RASL11A: variants seen among roughly 807,000 people sequenced by gnomAD.
RASL11A encodes the protein ras-like protein family member 11A.
In RASL11A, 14 loss-of-function variants were observed where a neutral mutation model predicts 17.1. That is an observed-to-expected ratio of 0.82 (90% CI 0.54 to 1.28). RASL11A has a LOEUF of 1.28. Among genes scored for constraint, RASL11A ranks in the 50% most tolerant of loss-of-function variants. The pLI is 0.00. For missense variants in RASL11A, 283 were observed against 312.3 expected, an observed-to-expected ratio of 0.91 and a Z score of 0.71; for synonymous variants, 146 against 132.5, an observed-to-expected ratio of 1.10 and a Z score of -0.70.
chr13:27,273,931 G>A lies in RASL11A; in HGVS notation c.*437G>A, dbSNP rs1476686106. ...GGAGAAAGGAAAGTATGTGGAGGAG[G>A]AGAGGGATTTTAATAACGGCAGGAG... On this transcript the variant is annotated 3_prime_UTR_variant, in exon 4 of 4. Coordinates refer to ENST00000241463, the MANE Select transcript of RASL11A (RefSeq NM_206827.2). Among the ~76,000 whole-genome samples the A allele has an allele frequency of 6.6e-6, 1 of 151,968 alleles. No homozygotes were observed. The highest frequency in any genetic ancestry group is 1.5e-5 in the Non-Finnish European group (1 of 67,976).
rs1314967927 is a variant in RASL11A at position 27,274,459 on chromosome 13, A to G, written c.*965A>G. 6.6e-6 allele frequency among the ~76,000 whole-genome samples: 1 copy of G among 152,208 alleles called. No individual in the cohort carries two copies. Among genetic ancestry groups the G allele is most frequent in the African/African-American group, 2.4e-5 (1 of 41,462 alleles). The stretch of plus-strand genomic sequence containing the variant: ...CATCAAGATTCTTTACCACCTCTCC[A>G]GGCTTATCAACCCCTCCTTCCAAAA... On this transcript the variant is annotated 3_prime_UTR_variant, in exon 4 of 4. Coordinates refer to ENST00000241463, the MANE Select transcript of RASL11A (RefSeq NM_206827.2).
In RASL11A at chr13:27,273,697, T is replaced by A; in HGVS notation, c.*203T>A. On this transcript the variant is annotated 3_prime_UTR_variant, in exon 4 of 4. Transcript: ENST00000241463. ...TTTGTTTTATTAAAAGAACTTTTTT[T>A]TTTTTTTTTTTTTTTTTTTTTTTAC... 2 of 355,808 alleles carry A rather than the reference T, an allele frequency of 5.6e-6. No homozygotes were observed. Among genetic ancestry groups the A allele is most frequent in the Non-Finnish European group, 9.7e-6 (2 of 205,786 alleles). The allele number at this position is 355,808 out of a possible 1,614,324, so 22.0% of individuals were successfully genotyped here. A position where few individuals can be genotyped will look rare whatever the true frequency, so the allele number is the denominator to read the frequency against.
chr13:27,273,690 CTTTTTTTTTTTTTTTTTT>C lies in RASL11A; in HGVS notation c.*209_*226del, dbSNP rs11304490. 6.2e-4 allele frequency: 45 copies of C among 72,492 alleles called. 2 individuals are homozygous for C. Among genetic ancestry groups the C allele is most frequent in the Non-Finnish European group, 9.5e-4 (38 of 39,980 alleles). 4.5% of individuals were successfully genotyped at this position (72,492 alleles called of 1,614,324 possible). On this transcript the variant is annotated 3_prime_UTR_variant, in exon 4 of 4. Transcript: ENST00000241463. ...ATTTTGTTTTGTTTTATTAAAAGAA[CTTTTTTTTTTTTTTTTTT>C]TTTTTTTTTTTTACTGTAACTGCTG...
chr13:27,273,230 GCAGGTGCAGACA>G lies in RASL11A; in HGVS notation c.470_481del (p.Val157_Gln160del). 1 of 1,614,214 alleles carries G rather than the reference GCAGGTGCAGACA, an allele frequency of 6.2e-7. No homozygotes were observed. Among genetic ancestry groups the G allele is most frequent in the Non-Finnish European group, 8.5e-7 (1 of 1,180,040 alleles). Reference sequence around the variant, plus strand: ...ACAAGGGGGACCTTTTGCATGCCCGGCAGGTGCAGACACAGGACGGTATTCAGCTAGCCAATG... The same window carrying G: ...ACAAGGGGGACCTTTTGCATGCCCGGCAGGACGGTATTCAGCTAGCCAATG... On this transcript the variant is annotated inframe_deletion, in exon 4 of 4. Transcript: ENST00000241463.
Position 27,273,690 on chromosome 13 carries a change from CTTTTTTTTTTTTTTT to C in RASL11A, c.*212_*226del, listed in dbSNP as rs11304490. On this transcript the variant is annotated 3_prime_UTR_variant, in exon 4 of 4. Transcript: ENST00000241463. ...ATTTTGTTTTGTTTTATTAAAAGAACTTTTTTTTTTTTTTTTTTTTTTTTTTTTTTACTGTAACTG... is the reference window on the plus strand; with the variant it reads ...ATTTTGTTTTGTTTTATTAAAAGAACTTTTTTTTTTTTTTTACTGTAACTG... 6 of 72,492 alleles carry C rather than the reference CTTTTTTTTTTTTTTT, an allele frequency of 8.3e-5. No individual in the cohort carries two copies. The highest frequency in any genetic ancestry group is 5.0e-4 in the South Asian group (2 of 3,998). The allele number at this position is 72,492 out of a possible 1,614,324, so 4.5% of individuals were successfully genotyped here.
In RASL11A at chr13:27,273,614, A is replaced by T. The variant is rs1423103058; in HGVS notation, c.*120A>T. On this transcript the variant is annotated 3_prime_UTR_variant, in exon 4 of 4. Transcript: ENST00000241463. Reference sequence around the variant, plus strand: ...TTTATAAAAAAATTGATTTTCAAGTACATGTGTATTTCTGAAAATTCAAAC... The same window carrying T: ...TTTATAAAAAAATTGATTTTCAAGTTCATGTGTATTTCTGAAAATTCAAAC... The T allele has an allele frequency of 2.8e-5, 21 of 745,610 alleles. No individual in the cohort carries two copies. In the Admixed American group the frequency reaches 5.9e-4, roughly 21 times the overall value. 46.2% of individuals were successfully genotyped at this position (745,610 alleles called of 1,614,324 possible). A position where few individuals can be genotyped will look rare whatever the true frequency, so the allele number is the denominator to read the frequency against.
At position 27,271,118 on chromosome 13, in the gene RASL11A, C is replaced by T. The variant is rs746030874; in HGVS notation, c.124+50C>T. On this transcript the variant is annotated intron_variant, in intron 1 of 3. Coordinates refer to ENST00000241463, the MANE Select transcript of RASL11A (RefSeq NM_206827.2). Reference sequence around the variant, plus strand: ...CGGCTTCGCTCCCCGGCTCCGGCCGCGACCACTGGGGGCGCTGCGGAGAGA... The same window carrying T: ...CGGCTTCGCTCCCCGGCTCCGGCCGTGACCACTGGGGGCGCTGCGGAGAGA... 1.0e-5 allele frequency: 16 copies of T among 1,532,076 alleles called. No individual in the cohort carries two copies. The East Asian group carries it at 2.0e-4, about 19-fold the overall frequency. The allele number at this position is 1,532,076 out of a possible 1,614,324, so 94.9% of individuals were successfully genotyped here. A position where few individuals can be genotyped will look rare whatever the true frequency, so the allele number is the denominator to read the frequency against.
In RASL11A at chr13:27,270,933, G is replaced by A. The variant is rs371620480; in HGVS notation, c.-12G>A. The stretch of plus-strand genomic sequence containing the variant: ...CCTCTCGGATTGCGCGCCGGACCCC[G>A]GGACGCGCTCCATGCGGCCGCTCAG... On this transcript the variant is annotated 5_prime_UTR_variant, in exon 1 of 4. Transcript: ENST00000241463. 338 of 1,583,682 alleles carry A rather than the reference G, an allele frequency of 2.1e-4. 4 individuals carry two copies. The highest frequency in any genetic ancestry group is 1.9e-3 in the African/African-American group (140 of 73,896).
At chr13:27,271,198 G>A in intron 1 of RASL11A, 130 bp downstream of exon 1, 1 of 1,458,870 alleles carries the variant, frequency 6.9e-7, no homozygotes, top group South Asian at 1.5e-5. Context: ...GGCTGCTTTC[G>A]CGCTGGGTGG....
chr13:27,271,101 C>T, intron 1 of RASL11A, 33 bp downstream of exon 1: 1 of 1,540,266 alleles, frequency 6.5e-7, no homozygotes, highest in Non-Finnish European at 8.8e-7. Flanking sequence ...GGCGGCTTCG[C>T]TCCCCGGCTC....
chr13:27,271,503 G>T lies in RASL11A; in HGVS notation c.144G>T (p.Leu48=). The part of the protein sequence containing the change: ...VGKSAMIVRF[L]TKRFIGDYEP... ...TTTCAGCAATGATCGTGCGCTTCCT[G>T]ACCAAGAGATTCATTGGAGACTATG... is the stretch of plus-strand genomic sequence containing the variant. The change falls in exon 2 of 4, where the codon CTG becomes CTT. Residue 48 remains leucine (L), a synonymous_variant. Coordinates refer to ENST00000241463, the MANE Select transcript of RASL11A (RefSeq NM_206827.2). The T allele has an allele frequency of 1.2e-6, 2 of 1,614,210 alleles. No individual in the cohort carries two copies. The highest frequency in any genetic ancestry group is 2.2e-5 in the South Asian group (2 of 91,074).
chr13:27,271,412 A>C (rs1164799987), intron 1 of RASL11A, 72 bp from the exon 2 acceptor site: 5 of 1,585,814 alleles, frequency 3.2e-6, no homozygotes, highest in Non-Finnish European at 4.3e-6. Flanking sequence ...CACTCCCCCC[A>C]GTTTGTCCGA....
chr13:27,271,333 G>A (rs1882277839), intron 1 of RASL11A, 151 bp from the exon 2 acceptor site: 2 of 1,488,380 alleles, frequency 1.3e-6, no homozygotes, highest in East Asian at 2.4e-5. Flanking sequence ...CGTACTCGCG[G>A]CCAAGCCCGC....
intron 3 of RASL11A, 50 bp downstream of exon 3, chr13:27,271,768 C>T (rs761212001): frequency 6.8e-7 from 1 of 1,469,832 alleles, no homozygotes; most frequent in Admixed American, 2.0e-5. Flanking sequence ...GAGACCACCC[C>T]AGTGGGCACA....
chr13:27,271,095 G>GCTTCGCTCCCCGGCTCCGGCCGC, intron 1 of RASL11A, 27 bp downstream of exon 1: 2 of 1,545,888 alleles, frequency 1.3e-6, no homozygotes, highest in Non-Finnish European at 1.7e-6. Context: ...CCCCCGGGCG[G>GCTTCGCTCCCCGGCTCCGGCCGC]CTTCGCTCCC....
In RASL11A at chr13:27,270,850, G is replaced by GACCTCTAGTCCCGC. The variant is rs1363101459; in HGVS notation, c.-92_-79dup. On this transcript the variant is annotated 5_prime_UTR_variant, in exon 1 of 4. Transcript: ENST00000241463. ...TCTGCAGGCAGCCGCCGCGGTCCCG[G>GACCTCTAGTCCCGC]ACCTCTAGTCCCGCACTCCCAGCTG... 2.0e-6 allele frequency: 3 copies of GACCTCTAGTCCCGC among 1,486,910 alleles called. No individual in the cohort carries two copies. The East Asian group carries it at 7.7e-5, about 38-fold the overall frequency. The allele number at this position is 1,486,910 out of a possible 1,614,324, so 92.1% of individuals were successfully genotyped here.
In RASL11A at chr13:27,271,453, C is replaced by T. The variant is rs140313110; in HGVS notation, c.125-31C>T. On this transcript the variant is annotated intron_variant, in intron 1 of 3. Coordinates refer to ENST00000241463, the MANE Select transcript of RASL11A (RefSeq NM_206827.2). ...CTGGGTTTGACAGGCTTGTTCTACT[C>T]CTTCGGTTGATTTTCCTATTTCCTT... is the stretch of plus-strand genomic sequence containing the variant. The T allele has an allele frequency of 3.6e-4, 586 of 1,613,718 alleles. 1 individual carries two copies. In the East Asian group the frequency reaches 7.8e-3, roughly 22 times the overall value.
rs1882405511 is a variant in RASL11A, at chr13:27,274,248, A to T, written c.*754A>T. 6.6e-6 allele frequency among the ~76,000 whole-genome samples: 1 copy of T among 151,374 alleles called. No individual in the cohort carries two copies. Among genetic ancestry groups the T allele is most frequent in the South Asian group, 2.1e-4 (1 of 4,768 alleles). On this transcript the variant is annotated 3_prime_UTR_variant, in exon 4 of 4. Transcript: ENST00000241463. Reference sequence around the variant, plus strand: ...AAAGCCTCACTGTCCCTTAATCTAGACCTCCCTTTGACTGGCAGGCAAGAA... The same window carrying T: ...AAAGCCTCACTGTCCCTTAATCTAGTCCTCCCTTTGACTGGCAGGCAAGAA...
rs1158235338 is a variant in RASL11A, at chr13:27,271,008, T to A, written c.64T>A (p.Tyr22Asn). The A allele has an allele frequency of 1.3e-6, 2 of 1,593,236 alleles. No homozygotes were observed. Among genetic ancestry groups the A allele is most frequent in the Non-Finnish European group, 1.7e-6 (2 of 1,170,190 alleles). Residue 22 changes from tyrosine (Y) to asparagine (N), a missense_variant, in exon 1 of 4, where the codon TAC becomes AAC. Physicochemically the swap from Tyr to Asn is moderately radical, Grantham distance 143 (BLOSUM62 -2). Coordinates refer to ENST00000241463, the MANE Select transcript of RASL11A (RefSeq NM_206827.2). ...ACCCATCCCCGAGTCCTCCTCGGAC[T>A]ACCTACTGCCCAAGGACATCAAACT... The part of the protein sequence containing the change: ...LAPIPESSSD[Y>N]LLPKDIKLAV...
Sources: allele counts gnomAD v4.1 joint callset (sites outside exome capture counted in the v4.1 genomes callset), GRCh38; gene constraint gnomAD v4.1.1; transcripts MANE v1.5; gene names NCBI Gene and HGNC (gene_info 2026-07-23, HGNC 2026-07-21).